TPD52L3: variants seen among roughly 807,000 people sequenced by gnomAD.
TPD52L3 encodes TPD52 like 3, also known as tumor protein D55.
A neutral mutation model predicts 8.7 loss-of-function variants in TPD52L3; 12 were observed. The ratio of observed to expected loss-of-function variants is 1.38; its 90% CI spans 0.89 to 2.24. The LOEUF (loss-of-function observed/expected upper bound fraction) is 2.24, where lower values mean the gene tolerates loss of function less well. Ranked by LOEUF, TPD52L3 falls within the 30% of genes most tolerant of loss-of-function variation. The pLI is 0.00. For synonymous variants in TPD52L3, 79 were observed against 66.8 expected (o/e 1.18, Z -0.89); for missense variants, 207 against 158.7 (o/e 1.30, Z -1.64).
At chr9:6,330,645 A>G (rs1235338596) in intron 1 of TPD52L3, 1 of 1,180,150 alleles carries the variant, frequency 8.5e-7, no homozygotes, top group Non-Finnish European at 1.1e-6. Flanking sequence ...TGCTTGGATT[A>G]AAACAAGATG....
chr9:6,331,155 G>C lies in TPD52L3; in HGVS notation c.*136G>C, dbSNP rs1818143893. 1.1e-6 allele frequency: 1 copy of C among 873,162 alleles called. No homozygotes were observed. The highest frequency in any genetic ancestry group is 1.8e-6 in the Non-Finnish European group (1 of 565,822). The allele number at this position is 873,162 out of a possible 1,614,324, so 54.1% of individuals were successfully genotyped here. A position where few individuals can be genotyped will look rare whatever the true frequency, so the allele number is the denominator to read the frequency against. On this transcript the variant is annotated 3_prime_UTR_variant, in exon 2 of 2. Transcript: ENST00000314556. ...AATCTGAGACCCTACTCTGTATCAA[G>C]AACTGTCCCAGGTTCTGAAAGCATA...
chr9:6,330,287 G>T (rs935373798), intron 1 of TPD52L3: 3 of 1,588,626 alleles, frequency 1.9e-6, no homozygotes, highest in Non-Finnish European at 2.6e-6. Context: ...ATTTTCACAC[G>T]AATATACTTT....
intron 1 of TPD52L3, chr9:6,330,403 G>C: frequency 7.1e-7 from 1 of 1,413,076 alleles, no homozygotes; most frequent in Non-Finnish European, 9.2e-7. Context: ...TTGGCTGTGG[G>C]CAGAGACTAG....
chr9:6,330,882 A>G (rs997100464), intron 1 of TPD52L3, 94 bp from the exon 2 acceptor site: 5 of 1,563,006 alleles, frequency 3.2e-6, no homozygotes, highest in Non-Finnish European at 4.3e-6. Flanking sequence ...TTTCTACAAC[A>G]GTAGTAAGTT....
intron 1 of TPD52L3, chr9:6,329,948 G>C: frequency 9.9e-6 from 13 of 1,313,228 alleles, no homozygotes; most frequent in Non-Finnish European, 1.3e-5. Context: ...TGCCATAGCA[G>C]CACTTCACTT....
chr9:6,330,341 A>G (rs1406021194), intron 1 of TPD52L3: 1 of 1,501,816 alleles, frequency 6.7e-7, no homozygotes, highest in Non-Finnish European at 8.9e-7. Flanking sequence ...AAGATCTGGG[A>G]GCCTCTTTCA....
In TPD52L3 at chr9:6,328,971, G is replaced by C; in HGVS notation, c.367+9G>C. The C allele has an allele frequency of 6.2e-7, 1 of 1,614,158 alleles. No homozygotes were observed. Among genetic ancestry groups the C allele is most frequent in the Non-Finnish European group, 8.5e-7 (1 of 1,180,018 alleles). On this transcript the variant is annotated intron_variant, in intron 1 of 1. Coordinates refer to ENST00000314556, the MANE Select transcript of TPD52L3 (RefSeq NM_001001874.3). ...ATTCAGATCTTTTGAAGGTCTGATG[G>C]GGACAATCAAGTCCAAAGTCTCAGG...
intron 1 of TPD52L3, chr9:6,329,547 T>C: frequency 9.9e-7 from 1 of 1,005,746 alleles, no homozygotes; most frequent in South Asian, 4.6e-5. Flanking sequence ...GAAAGAGGTA[T>C]GAAGTAATCT....
At chr9:6,329,919 C>T in intron 1 of TPD52L3, 6 of 1,288,850 alleles carry the variant, frequency 4.7e-6, no homozygotes, top group Admixed American at 3.9e-5. Flanking sequence ...AAAGTTTAAC[C>T]CTTGAAGCAG....
chr9:6,330,006 C>A, intron 1 of TPD52L3: 1 of 1,353,646 alleles, frequency 7.4e-7, no homozygotes, highest in Non-Finnish European at 9.5e-7. Context: ...TTAGTTACCA[C>A]CTCCAGCTGA....
chr9:6,330,546 CA>C (rs1017386020), intron 1 of TPD52L3: 1 of 1,196,166 alleles, frequency 8.4e-7, no homozygotes, highest in African/African-American at 1.6e-5. Flanking sequence ...TAAGCAAAAC[CA>C]AATACCACTA....
rs754731204 is a variant in TPD52L3, at chr9:6,328,734, C to G, written c.139C>G (p.Arg47Gly). The G allele has an allele frequency of 1.2e-6, 2 of 1,614,158 alleles. No individual in the cohort carries two copies. The highest frequency in any genetic ancestry group is 1.7e-6 in the Non-Finnish European group (2 of 1,180,032). Reference protein sequence around the residue: ...TKLEAEIVTLRHVLAAKERRC... With the variant: ...TKLEAEIVTLGHVLAAKERRC... Reference sequence around the variant, plus strand: ...ATTGGAGGCTGAAATTGTAACCCTACGCCACGTACTAGCAGCCAAAGAGAG... The same window carrying G: ...ATTGGAGGCTGAAATTGTAACCCTAGGCCACGTACTAGCAGCCAAAGAGAG... Residue 47 changes from arginine to glycine, a missense_variant, in exon 1 of 2, where the codon CGC becomes GGC. Coordinates refer to ENST00000314556, the MANE Select transcript of TPD52L3 (RefSeq NM_001001874.3).
chr9:6,331,110 T>C lies in TPD52L3; in HGVS notation c.*91T>C. 7.1e-7 allele frequency: 1 copy of C among 1,401,652 alleles called. No homozygotes were observed. Among genetic ancestry groups the C allele is most frequent in the African/African-American group, 1.4e-5 (1 of 70,188 alleles). 86.8% of individuals were successfully genotyped at this position (1,401,652 alleles called of 1,614,324 possible). On this transcript the variant is annotated 3_prime_UTR_variant, in exon 2 of 2. Transcript: ENST00000314556. Reference sequence around the variant, plus strand: ...AGTTCCTTCTGCTTTTAAACAAAAATATCGTGTTTATTCAAAGCCAATCTG... The same window carrying C: ...AGTTCCTTCTGCTTTTAAACAAAAACATCGTGTTTATTCAAAGCCAATCTG...
At chr9:6,330,089 A>C (rs951362954) in intron 1 of TPD52L3, 1 of 1,563,252 alleles carries the variant, frequency 6.4e-7, no homozygotes, top group African/African-American at 1.4e-5. Context: ...TTTTAAAAAG[A>C]ACGTCTGTCC....
chr9:6,330,981 A>C lies in TPD52L3; in HGVS notation c.373A>C (p.Ile125Leu), dbSNP rs573349109. Reference protein sequence around the residue: ...SATFRSFEGLIFNKYTLNQGR... With the variant: ...SATFRSFEGLLFNKYTLNQGR... Reference sequence around the variant, plus strand: ...TTTTCCCATTTCTGGCTTAGGATTGATCTTCAATAAATACACGTTAAATCA... The same window carrying C: ...TTTTCCCATTTCTGGCTTAGGATTGCTCTTCAATAAATACACGTTAAATCA... The change falls in exon 2 of 2, where the codon ATC becomes CTC. Residue 125 changes from isoleucine to leucine, a missense_variant. Coordinates refer to ENST00000314556, the MANE Select transcript of TPD52L3 (RefSeq NM_001001874.3). 4 of 1,612,756 alleles carry C rather than the reference A, an allele frequency of 2.5e-6. No homozygotes were observed. The African/African-American group carries it at 4.0e-5, about 16-fold the overall frequency.
At chr9:6,329,736 A>G in intron 1 of TPD52L3, 1 of 1,005,152 alleles carries the variant, frequency 9.9e-7, no homozygotes, top group African/African-American at 1.7e-5. Flanking sequence ...TAGTGCACTA[A>G]TTGTTACATT....
chr9:6,329,467 G>A (rs1264518093), intron 1 of TPD52L3: 19 of 1,017,844 alleles, frequency 1.9e-5, no homozygotes, highest in Admixed American at 5.3e-5. Context: ...AGGGGTCTTA[G>A]GCCAAAGCCC....
intron 1 of TPD52L3, 37 bp from the exon 2 acceptor site, chr9:6,330,939 A>G: frequency 6.2e-7 from 1 of 1,609,238 alleles, no homozygotes; most frequent in Non-Finnish European, 8.5e-7. Flanking sequence ...GTACATATTT[A>G]TTTTTGCTGA....
In TPD52L3 at chr9:6,328,947, T is replaced by C. The variant is rs3847262; in HGVS notation, c.352T>C (p.Phe118Leu). The C allele has an allele frequency of 0.95, 1,527,736 of 1,614,118 alleles. 723,971 individuals carry two copies. The highest frequency in any genetic ancestry group is 1 in the East Asian group (44,864 of 44,874). ...KLGGVKKSATFRSFEGLIFNK... is the reference protein window; with the variant it reads ...KLGGVKKSATLRSFEGLIFNK... ...TGGAGGCGTGAAGAAGTCGGCCACA[T>C]TCAGATCTTTTGAAGGTCTGATGGG... The change falls in exon 1 of 2, where the codon TTC (phenylalanine) becomes CTC (leucine). Residue 118 changes from phenylalanine to leucine, a missense_variant. Phe to Leu is a conservative substitution (Grantham distance 22). Transcript: ENST00000314556.
Sources: gnomAD v4.1 joint callset for allele counts on GRCh38, gnomAD v4.1.1 for gene constraint, MANE v1.5 for transcripts, NCBI Gene and HGNC (gene_info 2026-07-23, HGNC 2026-07-21) for gene names.